RBFOX1: variants seen among roughly 807,000 people sequenced by gnomAD.
RBFOX1 encodes the protein RNA binding fox-1 homolog 1.
A neutral mutation model predicts 57.7 loss-of-function variants in RBFOX1; 8 were observed. That is an observed-to-expected ratio of 0.14 (90% CI 0.08 to 0.25). The LOEUF is 0.25. Ranked by LOEUF, RBFOX1 falls within the 10% of genes least tolerant of loss-of-function variation. The pLI, the probability that RBFOX1 is intolerant of heterozygous loss-of-function variation, is 1.00. For missense variants in RBFOX1, 611 were observed against 548.5 expected (o/e 1.11, Z -1.14); for synonymous variants, 326 against 222.4 (o/e 1.47, Z -4.15).
At chr16:5,804,771 C>G (rs540372396) in intron 3 of RBFOX1, among the ~76,000 whole-genome samples, 1 of 152,184 alleles carries the variant, frequency 6.6e-6, no homozygotes, top group African/African-American at 2.4e-5. Flanking sequence ...AGTCCTACCA[C>G]GCTCACCTCC....
intron 4 of RBFOX1, among the ~76,000 whole-genome samples, chr16:5,945,776 T>A (rs1041665008): frequency 5.3e-5 from 8 of 152,212 alleles, no homozygotes; most frequent in African/African-American, 1.9e-4. Context: ...TGTAGGTGGC[T>A]ACCCAGTGAG....
chr16:6,897,502 C>G (rs143869598), intron 3 of RBFOX1, among the ~76,000 whole-genome samples: 3 of 152,152 alleles, frequency 2.0e-5, no homozygotes, highest in African/African-American at 7.2e-5. Flanking sequence ...TGGTCAAGTC[C>G]AGAAGTCCAG....
At chr16:6,073,206 C>G (rs890828288) in intron 1 of RBFOX1, among the ~76,000 whole-genome samples, 1 of 152,170 alleles carries the variant, frequency 6.6e-6, no homozygotes, top group South Asian at 2.1e-4. Context: ...ATCTACTCCA[C>G]TGACTTCCAG....
rs567907206 is a variant in RBFOX1 at position 7,210,394 on chromosome 16, C to T, written c.27+158296C>T. Among the ~76,000 whole-genome samples the T allele has an allele frequency of 5.9e-5, 9 of 152,244 alleles. No individual in the cohort carries two copies. The South Asian group carries it at 8.3e-4, about 14-fold the overall frequency. On this transcript the variant is annotated intron_variant, in intron 4 of 15. Transcript: ENST00000550418. ...CACATGGACCACGGTGTGGTCCTTC[C>T]TCACAGTTTTGCTCTTAAGGCCTTT...
intron 3 of RBFOX1, among the ~76,000 whole-genome samples, chr16:5,686,535 T>G (rs992102909): frequency 6.6e-6 from 1 of 152,078 alleles, no homozygotes; most frequent in Admixed American, 6.6e-5. Flanking sequence ...CACTGAGGGA[T>G]TTCTACTTAA....
chr16:7,385,716 G>A (rs933767283), intron 4 of RBFOX1, among the ~76,000 whole-genome samples: 1 of 152,064 alleles, frequency 6.6e-6, no homozygotes, highest in Non-Finnish European at 1.5e-5. Context: ...GGTTTGTCAT[G>A]GTGGTTATTA....
intron 14 of RBFOX1, among the ~76,000 whole-genome samples, chr16:7,701,074 G>C (rs1043001412): frequency 2.0e-5 from 3 of 152,150 alleles, no homozygotes; most frequent in Non-Finnish European, 4.4e-5. Context: ...GGGAGGCAGG[G>C]AAATCACGAG....
At chr16:6,776,295 C>A (rs12149081) in intron 3 of RBFOX1, among the ~76,000 whole-genome samples, 20 of 151,640 alleles carry the variant, frequency 1.3e-4, no homozygotes, top group Non-Finnish European at 2.9e-4. Context: ...CCTGTAGTCC[C>A]AGCTACTCGG....
At chr16:7,143,060 G>T (rs572696154) in intron 4 of RBFOX1, among the ~76,000 whole-genome samples, 3 of 152,062 alleles carry the variant, frequency 2.0e-5, no homozygotes, top group Non-Finnish European at 2.9e-5. Context: ...TATGTGTGCA[G>T]TGTCCTTCAT....
intron 4 of RBFOX1, among the ~76,000 whole-genome samples, chr16:7,517,208 A>G (rs1600657113): frequency 1.6e-5 from 2 of 126,774 alleles, no homozygotes; most frequent in African/African-American, 3.1e-5. Context: ...ACTGTGGAGG[A>G]GGAGGTAAAG....
intron 4 of RBFOX1, among the ~76,000 whole-genome samples, chr16:7,266,357 T>C (rs997723596): frequency 2.0e-5 from 3 of 152,190 alleles, no homozygotes; most frequent in African/African-American, 7.2e-5. Flanking sequence ...CACGTGATGC[T>C]TCTGCTCTTT....
intron 5 of RBFOX1, among the ~76,000 whole-genome samples, chr16:7,559,529 C>G (rs927911216): frequency 6.6e-6 from 1 of 152,144 alleles, no homozygotes; most frequent in Non-Finnish European, 1.5e-5. Context: ...TCAGGGAAAA[C>G]ACAGGCCTTG....
At chr16:5,858,161 C>T (rs8045240) in intron 3 of RBFOX1, among the ~76,000 whole-genome samples, 6 of 152,042 alleles carry the variant, frequency 3.9e-5, no homozygotes, top group South Asian at 2.1e-4. Flanking sequence ...TGCACCTAGC[C>T]GCAGAAAGTA....
At chr16:5,240,071 A>C (rs1053215879) in exon 1 of RBFOX1, 4 of 1,531,270 alleles carry the variant, frequency 2.6e-6, no homozygotes, top group Admixed American at 3.9e-5. Context: ...GGCAGGGAGG[A>C]GACCGGCACC....
At chr16:6,845,711 C>T (rs1304942379) in intron 3 of RBFOX1, among the ~76,000 whole-genome samples, 1 of 152,206 alleles carries the variant, frequency 6.6e-6, no homozygotes, top group East Asian at 1.9e-4. Flanking sequence ...CCTTGCTTCT[C>T]TGACACAGAC....
chr16:6,371,674 G>T (rs564409447), intron 2 of RBFOX1, among the ~76,000 whole-genome samples: 1 of 152,196 alleles, frequency 6.6e-6, no homozygotes, highest in African/African-American at 2.4e-5. Flanking sequence ...GTGGTGTTTA[G>T]AAACAAAGTT....
At chr16:6,653,337 G>A (rs923742110) in intron 2 of RBFOX1, among the ~76,000 whole-genome samples, 1 of 152,180 alleles carries the variant, frequency 6.6e-6, no homozygotes, top group Non-Finnish European at 1.5e-5. Flanking sequence ...AAGAATGTAA[G>A]CATCACCAGG....
At chr16:5,756,472 A>C (rs187837658) in intron 3 of RBFOX1, among the ~76,000 whole-genome samples, 1 of 152,068 alleles carries the variant, frequency 6.6e-6, no homozygotes, top group African/African-American at 2.4e-5. Context: ...ACATCTCCCA[A>C]ATGCCCAGGC....
At chr16:6,072,655 C>A (rs1178278576) in intron 1 of RBFOX1, among the ~76,000 whole-genome samples, 1 of 150,996 alleles carries the variant, frequency 6.6e-6, no homozygotes, top group African/African-American at 2.4e-5. Flanking sequence ...TGATAATAGG[C>A]ATTGTAACAG....
Sources: gnomAD v4.1 joint callset for allele counts (sites outside exome capture counted in the v4.1 genomes callset) on GRCh38, gnomAD v4.1.1 for gene constraint, MANE v1.5 for transcripts, NCBI Gene and HGNC (gene_info 2026-07-23, HGNC 2026-07-21) for gene names.